ZNF438: variants seen among roughly 807,000 people sequenced by gnomAD.
ZNF438 encodes the protein zinc finger protein 438.
Under a neutral mutation model 38.0 loss-of-function variants are expected in ZNF438, and 25 were observed. The ratio of observed to expected loss-of-function variants is 0.66; its 90% CI spans 0.48 to 0.92. The LOEUF is 0.92. ZNF438 is among the 40% of genes least tolerant of loss of function. ZNF438 has a pLI of 0.00. For missense variants in ZNF438, 1,007 were observed against 999.6 expected, an observed-to-expected ratio of 1.01 and a Z score of -0.10; for synonymous variants, 372 against 364.1, an observed-to-expected ratio of 1.02 and a Z score of -0.25.
At chr10:30,930,116 G>A (rs9417827) in intron 2 of ZNF438, among the ~76,000 whole-genome samples, 18,848 of 149,444 alleles carry the variant, frequency 0.13, 1,578 homozygotes, top group Middle Eastern at 0.24. Flanking sequence ...GGCGGTGCCC[G>A]TAGGGGAGGC....
At chr10:31,016,692 C>A (rs1199571577) in intron 1 of ZNF438, among the ~76,000 whole-genome samples, 1 of 152,208 alleles carries the variant, frequency 6.6e-6, no homozygotes, top group Non-Finnish European at 1.5e-5. Flanking sequence ...GACTAACAAG[C>A]CTCTTTTTTA....
rs116296957 is a variant in ZNF438 at position 30,859,573 on chromosome 10, G to C, written c.38-9206C>G. Among the ~76,000 whole-genome samples the C allele has an allele frequency of 3.9e-3, 587 of 152,248 alleles. 7 individuals carry two copies. The highest frequency in any genetic ancestry group is 0.013 in the African/African-American group (551 of 41,532). On this transcript the variant is annotated intron_variant, in intron 4 of 5. Transcript: ENST00000413025. ...TAGACAGATTTGGTTTCAACTCCTG[G>C]CTCTGTCATGTACCTGTGGCTTTGG...
intron 1 of ZNF438, among the ~76,000 whole-genome samples, chr10:30,955,828 T>G (rs2048807215): frequency 6.6e-6 from 1 of 152,220 alleles, no homozygotes; most frequent in Non-Finnish European, 1.5e-5. Flanking sequence ...ATTATTATTT[T>G]TTTTAGTTGT....
chr10:30,970,253 T>C (rs979058695), intron 1 of ZNF438, among the ~76,000 whole-genome samples: 2 of 152,130 alleles, frequency 1.3e-5, no homozygotes, highest in African/African-American at 4.8e-5. Context: ...TATAGTAACC[T>C]TTCTCAAGTA....
intron 1 of ZNF438, among the ~76,000 whole-genome samples, chr10:30,960,511 G>GA (rs2049345932): frequency 6.8e-6 from 1 of 146,764 alleles, no homozygotes; most frequent in Non-Finnish European, 1.5e-5. Flanking sequence ...ACCATTTGTT[G>GA]AAAAAATAAC....
At chr10:30,868,076 T>C (rs1168641809) in intron 4 of ZNF438, among the ~76,000 whole-genome samples, 1 of 151,864 alleles carries the variant, frequency 6.6e-6, no homozygotes. Flanking sequence ...TTAAAGAATT[T>C]TTTTTTTTTT....
intron 1 of ZNF438, among the ~76,000 whole-genome samples, chr10:31,023,987 A>C (rs1464527956): frequency 2.0e-5 from 3 of 152,224 alleles, no homozygotes; most frequent in Admixed American, 2.0e-4. Flanking sequence ...AGTATGGTTT[A>C]CCAAAACTCA....
intron 2 of ZNF438, among the ~76,000 whole-genome samples, chr10:30,930,222 G>A (rs969564294): frequency 3.9e-5 from 6 of 152,278 alleles, no homozygotes; most frequent in East Asian, 3.9e-4. Flanking sequence ...CCTGCCTGGC[G>A]GGAAGGTGGC....
intron 2 of ZNF438, among the ~76,000 whole-genome samples, chr10:30,935,875 G>T (rs1243184358): frequency 1.3e-5 from 2 of 152,078 alleles, no homozygotes; most frequent in Non-Finnish European, 2.9e-5. Flanking sequence ...TGGGGGAACT[G>T]CCCCATGATC....
rs1359797353 is a variant in ZNF438, at chr10:30,863,687, C to T, written c.37+13311G>A. On this transcript the variant is annotated intron_variant, in intron 4 of 5. Transcript: ENST00000413025. ...CACAGCCCACTGCTTCTCCTTGCCC[C>T]GAGGCTATGTGTGCCTGTGAGTGGT... Among the ~76,000 whole-genome samples, 3 of 152,186 alleles carry T rather than the reference C, an allele frequency of 2.0e-5. No individual in the cohort carries two copies. The South Asian group carries it at 6.2e-4, about 31-fold the overall frequency.
intron 2 of ZNF438, among the ~76,000 whole-genome samples, chr10:30,932,820 C>G (rs2045842318): frequency 1.3e-5 from 2 of 152,142 alleles, no homozygotes; most frequent in Admixed American, 1.3e-4. Context: ...ATCCAATGTA[C>G]TGGTATCCTC....
chr10:30,852,727 G>T (rs2994659), intron 4 of ZNF438, among the ~76,000 whole-genome samples: 19,082 of 152,194 alleles, frequency 0.13, 1,597 homozygotes, highest in Middle Eastern at 0.24. Context: ...AGAGTAAGAA[G>T]TACAAGGACT....
intron 3 of ZNF438, among the ~76,000 whole-genome samples, chr10:30,878,303 A>T (rs2038742984): frequency 6.6e-6 from 1 of 152,102 alleles, no homozygotes; most frequent in African/African-American, 2.4e-5. Flanking sequence ...CTCAGTCAGT[A>T]GAGGAGAGAA....
At chr10:30,929,533 CAGCAGCAAGATTTAT>C (rs574664972) in intron 2 of ZNF438, among the ~76,000 whole-genome samples, 1 of 152,300 alleles carries the variant, frequency 6.6e-6, no homozygotes, top group South Asian at 2.1e-4. Flanking sequence ...AAAGAGTGAG[CAGCAGCAAGATTTAT>C]TGCAAAGAGT....
At chr10:30,977,442 G>A (rs1224273240) in intron 1 of ZNF438, among the ~76,000 whole-genome samples, 3 of 152,146 alleles carry the variant, frequency 2.0e-5, no homozygotes, top group Non-Finnish European at 4.4e-5. Context: ...CATCTTCCAC[G>A]TGGTTTCCAA....
At chr10:30,933,824 A>C (rs2045941423) in intron 2 of ZNF438, among the ~76,000 whole-genome samples, 1 of 152,138 alleles carries the variant, frequency 6.6e-6, no homozygotes, top group African/African-American at 2.4e-5. Flanking sequence ...GAAAGCAGGC[A>C]CAGTGGGGGC....
intron 3 of ZNF438, among the ~76,000 whole-genome samples, chr10:30,882,302 C>T (rs572844255): frequency 6.6e-6 from 1 of 152,300 alleles, no homozygotes; most frequent in Non-Finnish European, 1.5e-5. Context: ...AGATGTTCAA[C>T]ATCACTGGTT....
intron 1 of ZNF438, among the ~76,000 whole-genome samples, chr10:30,953,583 A>G (rs1589397338): frequency 1.3e-5 from 2 of 151,756 alleles, no homozygotes; most frequent in African/African-American, 2.4e-5. Context: ...TCAATTATAC[A>G]TATGTAACTA....
chr10:30,986,259 A>T (rs566609614), intron 1 of ZNF438, among the ~76,000 whole-genome samples: 1 of 152,224 alleles, frequency 6.6e-6, no homozygotes, highest in African/African-American at 2.4e-5. Context: ...CAACAGCACT[A>T]TAAGTTTATC....
Sources: allele counts gnomAD v4.1 joint callset (sites outside exome capture counted in the v4.1 genomes callset), GRCh38; gene constraint gnomAD v4.1.1; transcripts MANE v1.5; gene names NCBI Gene and HGNC (gene_info 2026-07-23, HGNC 2026-07-21).